The following CPEB4 variants were observed in gnomAD, a reference collection of about 807,000 sequenced individuals.
The protein encoded by CPEB4 is cytoplasmic polyadenylation element binding protein 4, also known as cytoplasmic polyadenylation element-binding protein 4.
A neutral mutation model predicts 72.5 loss-of-function variants in CPEB4; 12 were observed. That is an observed-to-expected ratio of 0.17 (90% CI 0.11 to 0.27). The LOEUF (loss-of-function observed/expected upper bound fraction) is 0.27. Ranked by LOEUF, CPEB4 falls within the 10% of genes least tolerant of loss-of-function variation. The pLI, the probability that CPEB4 is intolerant of heterozygous loss-of-function variation, is 1.00. For missense variants in CPEB4, 614 were observed against 908.5 expected, an observed-to-expected ratio of 0.68 and a Z score of 4.17; for synonymous variants, 302 against 326.3, an observed-to-expected ratio of 0.93 and a Z score of 0.80.
chr5:173,915,400 TCTC>T (rs1271140645), intron 2 of CPEB4, among the ~76,000 whole-genome samples: 3 of 152,172 alleles, frequency 2.0e-5, no homozygotes, highest in Non-Finnish European at 4.4e-5. Flanking sequence ...GGGAAAGGGT[TCTC>T]CTCATTCCTT....
In CPEB4 at chr5:173,900,352, C is replaced by A. The variant is rs1322302440; in HGVS notation, c.1125+9494C>A. Among the ~76,000 whole-genome samples the A allele has an allele frequency of 4.2e-4, 64 of 152,176 alleles. No individual in the cohort carries two copies. Among genetic ancestry groups the A allele is most frequent in the Non-Finnish European group, 4.4e-5 (3 of 67,992 alleles). On this transcript the variant is annotated intron_variant, in intron 1 of 9. Transcript: ENST00000265085. This position sits in a 1 kb window ranked among gnomAD's most constrained non-coding sequence, Gnocchi z 4.4. ...CCCAGGAGGCAGAGGTTGCAGTGAG[C>A]CGAGATCGCGCCATTGCACTCCAGC...
At chr5:173,901,879 A>G (rs567336979) in intron 1 of CPEB4, among the ~76,000 whole-genome samples, 2 of 152,330 alleles carry the variant, frequency 1.3e-5, no homozygotes, top group Admixed American at 1.3e-4. Flanking sequence ...AAATGAGTGA[A>G]GCTCATGGCG....
At chr5:173,892,274 A>AT (rs71820084) in intron 1 of CPEB4, among the ~76,000 whole-genome samples, 2,636 of 120,742 alleles carry the variant, frequency 0.022, 97 homozygotes, top group African/African-American at 0.06. Flanking sequence ...TCTAAAAACG[A>AT]TTTTTTTTTT....
At chr5:173,949,086 C>G (rs1394562388) in intron 5 of CPEB4, among the ~76,000 whole-genome samples, 1 of 152,118 alleles carries the variant, frequency 6.6e-6, no homozygotes, top group African/African-American at 2.4e-5. Flanking sequence ...TAAGTGCAAC[C>G]TATGTTCTGG....
At chr5:173,895,688 A>G (rs796853344) in intron 1 of CPEB4, among the ~76,000 whole-genome samples, 10 of 152,298 alleles carry the variant, frequency 6.6e-5, no homozygotes, top group African/African-American at 1.4e-4. Flanking sequence ...AGTTTTTTCA[A>G]CTGTAAATTG....
chr5:173,951,944 AT>A lies in CPEB4; in HGVS notation c.1780+8del. 1 of 1,578,104 alleles carries A rather than the reference AT, an allele frequency of 6.3e-7. No individual in the cohort carries two copies. Among genetic ancestry groups the A allele is most frequent in the Middle Eastern group, 1.7e-4 (1 of 5,992 alleles). ...TCCTCGACCATTACGAGCTGGTATG[AT>A]TAAACAAACGACAAACTCTCTACCC... On this transcript the variant is annotated splice_region_variant and intron_variant, in intron 8 of 9. Transcript: ENST00000265085.
intron 2 of CPEB4, among the ~76,000 whole-genome samples, chr5:173,923,122 T>A (rs1757128594): frequency 6.6e-6 from 1 of 152,202 alleles, no homozygotes; most frequent in African/African-American, 2.4e-5. Context: ...TCATTAAGGT[T>A]CAGAAAAGTT....
intron 8 of CPEB4, 132 bp downstream of exon 8, chr5:173,952,070 G>C (rs557545590): frequency 3.1e-6 from 2 of 647,994 alleles, no homozygotes; most frequent in East Asian, 5.5e-5. Context: ...ATCTGGGTTT[G>C]AATTCATGTG....
At chr5:173,927,550 G>A (rs1757289787) in intron 2 of CPEB4, among the ~76,000 whole-genome samples, 1 of 152,232 alleles carries the variant, frequency 6.6e-6, no homozygotes, top group African/African-American at 2.4e-5. Context: ...GGCCGAGGCA[G>A]GAGGATCACG....
At chr5:173,938,145 A>G (rs76002828) in intron 3 of CPEB4, among the ~76,000 whole-genome samples, 1,794 of 152,046 alleles carry the variant, frequency 0.012, 30 homozygotes, top group African/African-American at 0.042. Flanking sequence ...TTTTCAACTG[A>G]TTTACTAATT....
At chr5:173,917,908 G>A (rs145494906) in intron 2 of CPEB4, among the ~76,000 whole-genome samples, 3 of 152,178 alleles carry the variant, frequency 2.0e-5, no homozygotes, top group African/African-American at 7.2e-5. Flanking sequence ...AGCTGCCTGC[G>A]TGTCTGGCTG....
chr5:173,914,918 C>T (rs952674959), intron 2 of CPEB4, among the ~76,000 whole-genome samples: 2 of 151,948 alleles, frequency 1.3e-5, no homozygotes, highest in Non-Finnish European at 2.9e-5. Flanking sequence ...TATGAATGAC[C>T]TCATTTATTT....
rs958591661 is a variant in CPEB4, at chr5:173,955,780, T to C, written c.1963-130T>C. On this transcript the variant is annotated intron_variant, in intron 9 of 9. Coordinates refer to ENST00000265085, the MANE Select transcript of CPEB4 (RefSeq NM_030627.4). The surrounding 1 kb of genome is among the most constrained non-coding windows in gnomAD (Gnocchi z 4.7). ...GATGAACTATCCATATTTCAGTAAA[T>C]GAATAATTAGTCCTTCCTCTTTGGG... 1 of 637,050 alleles carries C rather than the reference T, an allele frequency of 1.6e-6. No homozygotes were observed. Among genetic ancestry groups the C allele is most frequent in the African/African-American group, 1.8e-5 (1 of 55,116 alleles). 39.5% of individuals were successfully genotyped at this position (637,050 alleles called of 1,614,324 possible). A position where few individuals can be genotyped will look rare whatever the true frequency, so the allele number is the denominator to read the frequency against.
At chr5:173,943,395 T>C (rs557481646) in intron 4 of CPEB4, among the ~76,000 whole-genome samples, 10 of 152,312 alleles carry the variant, frequency 6.6e-5, no homozygotes, top group African/African-American at 2.4e-4. Context: ...ATAGTGACAC[T>C]AGTCCCAAAA....
intron 1 of CPEB4, among the ~76,000 whole-genome samples, chr5:173,897,212 T>A (rs1301941851): frequency 6.6e-6 from 1 of 152,270 alleles, no homozygotes; most frequent in Non-Finnish European, 1.5e-5. Context: ...GCTTAAACTT[T>A]CATTAGCATT....
chr5:173,907,181 C>T (rs359426), intron 1 of CPEB4, among the ~76,000 whole-genome samples: 16,697 of 152,176 alleles, frequency 0.11, 1,120 homozygotes, highest in Middle Eastern at 0.21. Context: ...GCAGGAGAGT[C>T]GCTTGAACCC....
chr5:173,949,689 G>A (rs1758150480), intron 6 of CPEB4, 92 bp downstream of exon 6: 1 of 882,648 alleles, frequency 1.1e-6, no homozygotes, highest in East Asian at 2.6e-5. Flanking sequence ...ACTGTAAAAT[G>A]TTGCATTGTT....
intron 4 of CPEB4, among the ~76,000 whole-genome samples, chr5:173,944,746 T>G (rs574930235): frequency 7.2e-5 from 11 of 152,210 alleles, no homozygotes; most frequent in Non-Finnish European, 1.3e-4. Context: ...GTGGGATACT[T>G]GAGTCGCCTT....
intron 2 of CPEB4, among the ~76,000 whole-genome samples, chr5:173,928,606 G>T (rs1757331500): frequency 1.3e-5 from 2 of 152,184 alleles, no homozygotes; most frequent in Non-Finnish European, 2.9e-5. Flanking sequence ...ACTGTCTCAG[G>T]CATGGGAGGG....
Sources: gnomAD v4.1 joint callset for allele counts (sites outside exome capture counted in the v4.1 genomes callset) on GRCh38, gnomAD v4.1.1 for gene constraint, Gnocchi (gnomAD v3.1) non-coding constraint, MANE v1.5 for transcripts, NCBI Gene and HGNC (gene_info 2026-07-23, HGNC 2026-07-21) for gene names.